GRIK3: variants seen among roughly 807,000 people sequenced by gnomAD.
GRIK3 encodes the protein glutamate receptor ionotropic, kainate 3.
Under a neutral mutation model 102.5 loss-of-function variants are expected in GRIK3, and 29 were observed. The observed-to-expected ratio is 0.28, with a 90% CI of 0.21 to 0.39. GRIK3 has a LOEUF of 0.39. Ranked by LOEUF, GRIK3 falls within the 10% of genes least tolerant of loss-of-function variation. The pLI is 1.00. For missense variants in GRIK3, 908 were observed against 1,252.4 expected (o/e 0.73, Z 4.15); for synonymous variants, 511 against 504.9 (o/e 1.01, Z -0.16).
intron 13 of GRIK3, among the ~76,000 whole-genome samples, chr1:36,808,228 T>A (rs2124179970): frequency 6.6e-6 from 1 of 152,338 alleles, no homozygotes; most frequent in East Asian, 1.9e-4. Context: ...TTTTACTCCC[T>A]CTGTTCCTTT....
intron 13 of GRIK3, among the ~76,000 whole-genome samples, chr1:36,814,520 C>CACACA (rs569634831): frequency 7.4e-6 from 1 of 134,238 alleles, no homozygotes; most frequent in African/African-American, 2.9e-5. Flanking sequence ...CCCCCCCCCC[C>CACACA]CACACACAGA....
At chr1:36,958,211 G>T (rs1570823943) in intron 1 of GRIK3, among the ~76,000 whole-genome samples, 1 of 103,240 alleles carries the variant, frequency 9.7e-6, no homozygotes, top group Non-Finnish European at 1.8e-5. Flanking sequence ...CTGTGAGTCT[G>T]TGCCCCGTGA....
At chr1:36,855,129 C>T (rs1007993284) in intron 7 of GRIK3, among the ~76,000 whole-genome samples, 1 of 152,136 alleles carries the variant, frequency 6.6e-6, no homozygotes, top group Non-Finnish European at 1.5e-5. Flanking sequence ...TGGGAGCTCA[C>T]ACAGCCAGAT....
intron 1 of GRIK3, among the ~76,000 whole-genome samples, chr1:36,915,230 TAATATCTATTTGCTGTCTTA>T (rs1426912341): frequency 6.6e-6 from 1 of 152,194 alleles, no homozygotes; most frequent in Non-Finnish European, 1.5e-5. Context: ...TCATGCAGCT[TAATATCTATTTGCTGTCTTA>T]AATATCTATT....
At chr1:36,817,380 GC>G (rs1366484759) in intron 12 of GRIK3, 103 bp from the exon 13 acceptor site, 14 of 781,504 alleles carry the variant, frequency 1.8e-5, no homozygotes, top group Non-Finnish European at 2.6e-5. Context: ...GAAAGCTAAG[GC>G]CCTTTCCCAA....
intron 1 of GRIK3, among the ~76,000 whole-genome samples, chr1:36,904,218 T>G (rs1446255130): frequency 1.3e-5 from 2 of 152,260 alleles, no homozygotes; most frequent in East Asian, 1.9e-4. Context: ...TACTCCAGCA[T>G]GCTTACAGTT....
chr1:36,938,291 T>C lies in GRIK3; in HGVS notation c.116-47195A>G, dbSNP rs185479706. Among the ~76,000 whole-genome samples, 728 of 152,210 alleles carry C rather than the reference T, an allele frequency of 4.8e-3. 5 individuals carry two copies. Among genetic ancestry groups the C allele is most frequent in the African/African-American group, 0.017 (696 of 41,514 alleles). ...AGGCAGAGAGAGAGGATGGAGGAGG[T>C]AGGACCCGTTCCAGGTCAGGCAATG... On this transcript the variant is annotated intron_variant, in intron 1 of 15. Transcript: ENST00000373091.
chr1:36,927,063 T>A (rs1400832009), intron 1 of GRIK3, among the ~76,000 whole-genome samples: 11 of 152,214 alleles, frequency 7.2e-5, no homozygotes, highest in Non-Finnish European at 1.6e-4. Context: ...TAAAGTGTCA[T>A]GTCCTGACAT....
intron 1 of GRIK3, among the ~76,000 whole-genome samples, chr1:37,011,594 A>G (rs991691630): frequency 4.6e-5 from 7 of 152,164 alleles, no homozygotes; most frequent in African/African-American, 1.7e-4. Context: ...TCAGCCCAAC[A>G]CCTGCCTTTT....
rs569813975 is a variant in GRIK3, at chr1:36,911,210, G to T, written c.116-20114C>A. 5.9e-5 allele frequency among the ~76,000 whole-genome samples: 9 copies of T among 152,182 alleles called. No individual in the cohort carries two copies. In the South Asian group the frequency reaches 1.9e-3, roughly 32 times the overall value. ...AATAAACTGAGGGAGGGAGGTGGGG[G>T]TCTGGGAGAGGGTGCATCCAACATG... On this transcript the variant is annotated intron_variant, in intron 1 of 15. Transcript: ENST00000373091.
At chr1:36,904,595 A>G (rs1253164040) in intron 1 of GRIK3, among the ~76,000 whole-genome samples, 1 of 152,252 alleles carries the variant, frequency 6.6e-6, no homozygotes, top group Admixed American at 6.5e-5. Context: ...AATATTGAAA[A>G]AAATAGAAAC....
chr1:36,892,480 TAAAAAG>T (rs954170316), intron 1 of GRIK3, among the ~76,000 whole-genome samples: 1 of 58,436 alleles, frequency 1.7e-5, no homozygotes, highest in African/African-American at 6.7e-5. Flanking sequence ...TTTACAAAAA[TAAAAAG>T]AAAAGAAAAA....
intron 1 of GRIK3, among the ~76,000 whole-genome samples, chr1:36,994,498 G>C (rs1642397087): frequency 6.6e-6 from 1 of 152,184 alleles, no homozygotes; most frequent in Non-Finnish European, 1.5e-5. Flanking sequence ...AATCTCATAG[G>C]GTTGTTGTGA....
At chr1:36,895,697 A>G (rs1206243386) in intron 1 of GRIK3, among the ~76,000 whole-genome samples, 1 of 152,194 alleles carries the variant, frequency 6.6e-6, no homozygotes, top group African/African-American at 2.4e-5. Flanking sequence ...AGAAATGATC[A>G]GGAGAAATAT....
intron 5 of GRIK3, among the ~76,000 whole-genome samples, chr1:36,864,149 T>C (rs1436365999): frequency 6.6e-6 from 1 of 152,214 alleles, no homozygotes; most frequent in African/African-American, 2.4e-5. Flanking sequence ...ACATGTGACA[T>C]GTAGCAGGGG....
chr1:36,983,053 C>T (rs1476913135), intron 1 of GRIK3, among the ~76,000 whole-genome samples: 1 of 152,170 alleles, frequency 6.6e-6, no homozygotes, highest in Non-Finnish European at 1.5e-5. Context: ...CACACATGGG[C>T]TCTCTCACAC....
intron 9 of GRIK3, among the ~76,000 whole-genome samples, chr1:36,849,319 C>CAGGT (rs1303606906): frequency 1.3e-5 from 2 of 152,188 alleles, no homozygotes; most frequent in Non-Finnish European, 2.9e-5. Context: ...TGGAAGGGGC[C>CAGGT]AGGTATAGGG....
At chr1:36,807,722 G>C (rs1642516138) in intron 13 of GRIK3, among the ~76,000 whole-genome samples, 1 of 152,182 alleles carries the variant, frequency 6.6e-6, no homozygotes, top group Non-Finnish European at 1.5e-5. Flanking sequence ...ATGGGGACAG[G>C]AAGGGGCCCC....
At chr1:36,835,562 T>C (rs934043144) in intron 10 of GRIK3, among the ~76,000 whole-genome samples, 3 of 152,216 alleles carry the variant, frequency 2.0e-5, no homozygotes, top group Non-Finnish European at 2.9e-5. Context: ...CACTCATTCT[T>C]TCCCTGGCAT....
Sources: gnomAD v4.1 joint callset for allele counts (sites outside exome capture counted in the v4.1 genomes callset) on GRCh38, gnomAD v4.1.1 for gene constraint, MANE v1.5 for transcripts, NCBI Gene and HGNC (gene_info 2026-07-23, HGNC 2026-07-21) for gene names.